PLCB1: variants seen among roughly 807,000 people sequenced by gnomAD.
The protein encoded by PLCB1 is phospholipase C beta 1, also known as 1-phosphatidylinositol 4,5-bisphosphate phosphodiesterase beta-1.
Under a neutral mutation model 161.8 loss-of-function variants are expected in PLCB1, and 46 were observed. The observed-to-expected ratio is 0.28, with a 90% CI of 0.22 to 0.36. The LOEUF is 0.36. Among genes scored for constraint, PLCB1 ranks in the 10% least tolerant of loss-of-function variants. The probability of loss-of-function intolerance (pLI) is 1.00; values close to 1 mark genes in which losing one functional copy is unlikely to be tolerated. For synonymous variants in PLCB1, 517 were observed against 503.7 expected (o/e 1.03, Z -0.35); for missense variants, 1,016 against 1,472.5 (o/e 0.69, Z 5.07).
At chr20:8,133,790 A>G (rs924898487) in intron 1 of PLCB1, among the ~76,000 whole-genome samples, 4 of 152,242 alleles carry the variant, frequency 2.6e-5, no homozygotes, top group African/African-American at 9.6e-5. Flanking sequence ...AATGACTAAT[A>G]CATCTCTTAA....
chr20:8,140,012 A>G (rs918856223), intron 1 of PLCB1, among the ~76,000 whole-genome samples: 16 of 152,204 alleles, frequency 1.1e-4, no homozygotes, highest in Admixed American at 1.0e-3. Flanking sequence ...GAGAAGCTAA[A>G]AGAGGTGGGA....
intron 2 of PLCB1, among the ~76,000 whole-genome samples, chr20:8,264,903 G>T (rs959308669): frequency 1.3e-5 from 2 of 152,176 alleles, no homozygotes; most frequent in African/African-American, 2.4e-5. Flanking sequence ...CTGGGGAAAT[G>T]TAGCAATCCA....
intron 3 of PLCB1, among the ~76,000 whole-genome samples, chr20:8,594,556 A>G (rs2123118624): frequency 6.6e-6 from 1 of 151,664 alleles, no homozygotes; most frequent in East Asian, 1.9e-4. Flanking sequence ...CATTTTGAGT[A>G]GCCACTTAGT....
chr20:8,178,391 G>A (rs2051804844), intron 2 of PLCB1, among the ~76,000 whole-genome samples: 1 of 152,116 alleles, frequency 6.6e-6, no homozygotes, highest in Non-Finnish European at 1.5e-5. Context: ...TTTCTCTCAT[G>A]ATTAGTGACA....
At chr20:8,627,445 A>G (rs1988387338) in intron 3 of PLCB1, among the ~76,000 whole-genome samples, 1 of 152,230 alleles carries the variant, frequency 6.6e-6, no homozygotes, top group South Asian at 2.1e-4. Context: ...AGCTAAATAA[A>G]TAAGAATGTA....
In PLCB1 at chr20:8,751,102, A is replaced by ATTTTTTT. The variant is rs368948762; in HGVS notation, c.2524-5935_2524-5929dup. 1,249 of 186,912 alleles carry ATTTTTTT rather than the reference A, an allele frequency of 6.7e-3. 11 individuals carry two copies. Among genetic ancestry groups the ATTTTTTT allele is most frequent in the Non-Finnish European group, 0.011 (1,052 of 92,672 alleles). 11.6% of individuals were successfully genotyped at this position (186,912 alleles called of 1,614,324 possible). ...AGGCGCCCACCACCAAGCCCGGCTAATTTTTTTTTTTTTTTGTAGTTTTAG... is the reference window on the plus strand; with the variant it reads ...AGGCGCCCACCACCAAGCCCGGCTAATTTTTTTTTTTTTTTTTTTTTTGTAGTTTTAG... On this transcript the variant is annotated intron_variant, in intron 23 of 31. Coordinates refer to ENST00000338037, the MANE Select transcript of PLCB1 (RefSeq NM_015192.4).
chr20:8,417,050 CACACAT>C lies in PLCB1; in HGVS notation c.246+45602_246+45607del, dbSNP rs1235819845. On this transcript the variant is annotated intron_variant, in intron 3 of 31. Transcript: ENST00000338037. ...ATACACACACACACACACACACACA[CACACAT>C]ATATATATATATATATATTTTTTTT... Among the ~76,000 whole-genome samples, 353 of 54,326 alleles carry C rather than the reference CACACAT, an allele frequency of 6.5e-3. 8 individuals carry two copies. Among genetic ancestry groups the C allele is most frequent in the South Asian group, 0.013 (17 of 1,336 alleles). The allele number at this position is 54,326 out of a possible 152,430, so 35.6% of individuals were successfully genotyped here. A position where few individuals can be genotyped will look rare whatever the true frequency, so the allele number is the denominator to read the frequency against.
At chr20:8,229,435 A>T (rs1979885594) in intron 2 of PLCB1, among the ~76,000 whole-genome samples, 2 of 152,156 alleles carry the variant, frequency 1.3e-5, no homozygotes, top group South Asian at 4.1e-4. Flanking sequence ...GGTAGCACTG[A>T]TATAGATCCA....
chr20:8,560,775 G>A (rs1037128110), intron 3 of PLCB1, among the ~76,000 whole-genome samples: 7 of 151,922 alleles, frequency 4.6e-5, no homozygotes, highest in African/African-American at 1.7e-4. Flanking sequence ...TTCCTATCCA[G>A]TCTTTGACCA....
chr20:8,465,595 A>G (rs1981783409), intron 3 of PLCB1, among the ~76,000 whole-genome samples: 1 of 152,140 alleles, frequency 6.6e-6, no homozygotes, highest in Non-Finnish European at 1.5e-5. Flanking sequence ...GACTCAGCAG[A>G]TATCTTCAGG....
At chr20:8,379,044 G>A (rs754967015) in intron 3 of PLCB1, among the ~76,000 whole-genome samples, 2 of 152,000 alleles carry the variant, frequency 1.3e-5, no homozygotes, top group South Asian at 2.1e-4. Context: ...ATAGGTATAC[G>A]CATGCCATGG....
At chr20:8,338,296 T>C (rs1236384716) in intron 2 of PLCB1, among the ~76,000 whole-genome samples, 2 of 152,226 alleles carry the variant, frequency 1.3e-5, no homozygotes, top group Non-Finnish European at 2.9e-5. Context: ...TAGAAAGCCC[T>C]ATTTCTCTGT....
chr20:8,509,720 TAGGC>T (rs1253007145), intron 3 of PLCB1, among the ~76,000 whole-genome samples: 2 of 147,818 alleles, frequency 1.4e-5, no homozygotes, highest in South Asian at 2.2e-4. Context: ...GATAAAGAGA[TAGGC>T]AGATCATAGA....
Position 8,132,735 on chromosome 20 carries a change from C to T in PLCB1, c.84C>T (p.Phe28=). 6.2e-7 allele frequency: 1 copy of T among 1,611,600 alleles called. No homozygotes were observed. The highest frequency in any genetic ancestry group is 2.2e-5 in the East Asian group (1 of 44,824). ...VSDSLKKGTK[F]VKWDDDSTIV... is the part of the protein sequence containing the mutation. Reference sequence around the variant, plus strand: ...ACAGCCTCAAGAAGGGCACCAAATTCGTCAAGTGGGATGATGTAAGTATTG... The same window carrying T: ...ACAGCCTCAAGAAGGGCACCAAATTTGTCAAGTGGGATGATGTAAGTATTG... The change falls in exon 1 of 32, where the codon TTC becomes TTT. Residue 28 remains phenylalanine, a synonymous_variant. Coordinates refer to ENST00000338037, the MANE Select transcript of PLCB1 (RefSeq NM_015192.4). This position sits in a 1 kb window ranked among gnomAD's most constrained non-coding sequence, Gnocchi z 5.2.
intron 31 of PLCB1, among the ~76,000 whole-genome samples, chr20:8,848,204 A>C (rs1483034800): frequency 6.6e-6 from 1 of 152,224 alleles, no homozygotes; most frequent in Non-Finnish European, 1.5e-5. Flanking sequence ...AAATCATAGC[A>C]CAGGACAAGG....
chr20:8,607,721 C>T (rs1168104688), intron 3 of PLCB1, among the ~76,000 whole-genome samples: 3 of 152,148 alleles, frequency 2.0e-5, no homozygotes, highest in Non-Finnish European at 4.4e-5. Flanking sequence ...GTTTATTGCT[C>T]TTCTACCTGT....
chr20:8,768,270 A>G (rs1442089343), intron 26 of PLCB1, among the ~76,000 whole-genome samples: 1 of 151,928 alleles, frequency 6.6e-6, no homozygotes, highest in Non-Finnish European at 1.5e-5. Flanking sequence ...TGTTTCTTCT[A>G]ACTTCTGGTG....
intron 12 of PLCB1, among the ~76,000 whole-genome samples, chr20:8,710,148 A>C (rs2123454606): frequency 6.6e-6 from 1 of 150,444 alleles, no homozygotes; most frequent in Admixed American, 6.6e-5. Flanking sequence ...CTGTACAGGA[A>C]GCATGGTGGC....
chr20:8,705,163 G>T (rs1978600541), intron 11 of PLCB1, among the ~76,000 whole-genome samples: 1 of 151,946 alleles, frequency 6.6e-6, no homozygotes, highest in Admixed American at 6.6e-5. Flanking sequence ...ACCCAGTCAA[G>T]TTGACACATA....
Sources: gnomAD v4.1 joint callset for allele counts (sites outside exome capture counted in the v4.1 genomes callset) on GRCh38, gnomAD v4.1.1 for gene constraint, Gnocchi (gnomAD v3.1) non-coding constraint, MANE v1.5 for transcripts, NCBI Gene and HGNC (gene_info 2026-07-23, HGNC 2026-07-21) for gene names.